RBM5: variants seen among roughly 807,000 people sequenced by gnomAD.
RBM5 encodes the protein RNA-binding protein 5.
RBM5 carries 15 observed loss-of-function variants against 124.6 expected under a neutral mutation model. That is an observed-to-expected ratio of 0.12 (90% CI 0.08 to 0.19). The LOEUF (loss-of-function observed/expected upper bound fraction) is 0.19. Among genes scored for constraint, RBM5 ranks in the 10% least tolerant of loss-of-function variants. The pLI is 1.00. For missense variants in RBM5, 580 were observed against 1,026.5 expected, an observed-to-expected ratio of 0.57 and a Z score of 5.94; for synonymous variants, 337 against 361.2, an observed-to-expected ratio of 0.93 and a Z score of 0.76.
rs548829626 is a variant in RBM5 at position 50,098,504 on chromosome 3, G to A, written c.340-1478G>A. On this transcript the variant is annotated intron_variant, in intron 4 of 24. Transcript: ENST00000347869. ...CTTGCCCAGGCTGGAGTGCAGTGGCGCGATCTCGGCTCACTGCAACCTCCG... is the reference window on the plus strand; with the variant it reads ...CTTGCCCAGGCTGGAGTGCAGTGGCACGATCTCGGCTCACTGCAACCTCCG... Among the ~76,000 whole-genome samples, 11 of 151,786 alleles carry A rather than the reference G, an allele frequency of 7.2e-5. No individual in the cohort carries two copies. In the South Asian group the frequency reaches 8.3e-4, roughly 11 times the overall value.
intron 12 of RBM5, 151 bp downstream of exon 12, chr3:50,107,720 C>G (rs1324501657): frequency 6.4e-6 from 3 of 470,986 alleles, no homozygotes; most frequent in East Asian, 7.4e-5. Flanking sequence ...GAGTATCACT[C>G]TCGTCACCCG....
Position 50,113,438 on chromosome 3 carries a change from C to T in RBM5, c.1511C>T (p.Thr504Ile), listed in dbSNP as rs2091184665. ...CTTTACTGGGATGGGGAAAAAGAGA[C>T]CTACGTGCCAGCTGCAGAGTCTAGC... ...QYLYWDGEKE[T>I]YVPAAESSSH... is the part of the protein sequence containing the mutation. The change falls in exon 18 of 25, where the codon ACC becomes ATC. Residue 504 changes from threonine (T) to isoleucine (I), a missense_variant. This residue lies in a region of RBM5 where 234 missense variants were observed against 435.1 expected (regional missense o/e 0.54). Coordinates refer to ENST00000347869, the MANE Select transcript of RBM5 (RefSeq NM_005778.4). 6.2e-7 allele frequency: 1 copy of T among 1,613,896 alleles called. No individual in the cohort carries two copies. The highest frequency in any genetic ancestry group is 1.3e-5 in the African/African-American group (1 of 74,902).
intron 14 of RBM5, among the ~76,000 whole-genome samples, chr3:50,108,597 C>T (rs982501724): frequency 6.6e-6 from 1 of 152,134 alleles, no homozygotes; most frequent in African/African-American, 2.4e-5. Flanking sequence ...ATCCCAGCTA[C>T]TCAGGAGGCT....
At chr3:50,106,310 T>C (rs1184678899) in intron 10 of RBM5, among the ~76,000 whole-genome samples, 1 of 151,742 alleles carries the variant, frequency 6.6e-6, no homozygotes, top group African/African-American at 2.4e-5. Flanking sequence ...TCAGCTAATT[T>C]TTTGTATTTT....
At position 50,093,573 on chromosome 3, in the gene RBM5, CAAAAA is replaced by C. The variant is rs879508881; in HGVS notation, c.184-139_184-135del. 22 of 680,388 alleles carry C rather than the reference CAAAAA, an allele frequency of 3.2e-5. No individual in the cohort carries two copies. The African/African-American group carries it at 3.6e-4, about 11-fold the overall frequency. The allele number at this position is 680,388 out of a possible 1,614,324, so 42.1% of individuals were successfully genotyped here. ...GGGTAACATAGTGAGACCCCTGTCT[CAAAAA>C]AAAAAAATTGCAGTGAACATTACCA... On this transcript the variant is annotated intron_variant, in intron 3 of 24. Coordinates refer to ENST00000347869, the MANE Select transcript of RBM5 (RefSeq NM_005778.4).
chr3:50,104,918 G>A, intron 8 of RBM5, 159 bp from the exon 9 acceptor site: 1 of 570,100 alleles, frequency 1.8e-6, no homozygotes, highest in Non-Finnish European at 3.1e-6. Flanking sequence ...CGTTAACCAA[G>A]TCACAATTAA....
intron 6 of RBM5, 186 bp from the exon 7 acceptor site, chr3:50,102,897 G>A (rs901662368): frequency 3.3e-5 from 19 of 580,030 alleles, no homozygotes; most frequent in Non-Finnish European, 4.3e-5. Context: ...CCTTTACTCC[G>A]CATCCCATTC....
rs2091270391 is a variant in RBM5, at chr3:50,117,246, G to T, written c.2193-4G>T. 6.2e-7 allele frequency: 1 copy of T among 1,614,070 alleles called. No individual in the cohort carries two copies. The stretch of plus-strand genomic sequence containing the variant: ...TTAAGTAACTGTGTGTTTGCCACTG[G>T]CAGGAATTACGAGCAACCCACCAAA... On this transcript the variant is annotated splice_polypyrimidine_tract_variant and splice_region_variant and intron_variant, in intron 23 of 24. Transcript: ENST00000347869. The surrounding 1 kb of genome is among the most constrained non-coding windows in gnomAD (Gnocchi z 4.2).
intron 11 of RBM5, among the ~76,000 whole-genome samples, 195 bp from the exon 12 acceptor site, chr3:50,107,287 C>T (rs2091050956): frequency 6.6e-6 from 1 of 152,160 alleles, no homozygotes; most frequent in Non-Finnish European, 1.5e-5. Flanking sequence ...TGGCAGGTTA[C>T]AAGGTAGAAC....
In RBM5 at chr3:50,100,133, A is replaced by AT. The variant is rs2090910720; in HGVS notation, c.409+82_409+83insT. The AT allele has an allele frequency of 1.1e-5, 14 of 1,234,890 alleles. No homozygotes were observed. The highest frequency in any genetic ancestry group is 2.0e-5 in the Admixed American group (1 of 49,328). 76.5% of individuals were successfully genotyped at this position (1,234,890 alleles called of 1,614,324 possible). A position where few individuals can be genotyped will look rare whatever the true frequency, so the allele number is the denominator to read the frequency against. On this transcript the variant is annotated intron_variant, in intron 5 of 24. Coordinates refer to ENST00000347869, the MANE Select transcript of RBM5 (RefSeq NM_005778.4). The surrounding 1 kb of genome is among the most constrained non-coding windows in gnomAD (Gnocchi z 5.1). ...CCCTAAAGAACATCCTGATTCCCCC[A>AT]GTCTTCAAGCACATGAATTCAGAAT...
At position 50,117,449 on chromosome 3, in the gene RBM5, C is replaced by T. The variant is rs1001423195; in HGVS notation, c.2322+70C>T. ...CGGTTCCAGAGATGAGATCAGAGCACTCATAGAGCCTGGGAGCCAGGAGCA... is the reference window on the plus strand; with the variant it reads ...CGGTTCCAGAGATGAGATCAGAGCATTCATAGAGCCTGGGAGCCAGGAGCA... On this transcript the variant is annotated intron_variant, in intron 24 of 24. Transcript: ENST00000347869. This position sits in a 1 kb window ranked among gnomAD's most constrained non-coding sequence, Gnocchi z 4.2. 2.5e-6 allele frequency: 4 copies of T among 1,586,062 alleles called. No homozygotes were observed. Among genetic ancestry groups the T allele is most frequent in the Non-Finnish European group, 3.4e-6 (4 of 1,163,392 alleles).
chr3:50,090,347 G>A, intron 1 of RBM5, 35 bp from the exon 2 acceptor site: 1 of 1,479,754 alleles, frequency 6.8e-7, no homozygotes, highest in African/African-American at 1.4e-5. Flanking sequence ...AGTGATCTCT[G>A]AGATTTATAG....
In RBM5 at chr3:50,117,475, G is replaced by A; in HGVS notation, c.2322+96G>A. 1 of 1,535,524 alleles carries A rather than the reference G, an allele frequency of 6.5e-7. No individual in the cohort carries two copies. Among genetic ancestry groups the A allele is most frequent in the Non-Finnish European group, 8.8e-7 (1 of 1,131,480 alleles). On this transcript the variant is annotated intron_variant, in intron 24 of 24. Coordinates refer to ENST00000347869, the MANE Select transcript of RBM5 (RefSeq NM_005778.4). The surrounding 1 kb of genome is among the most constrained non-coding windows in gnomAD (Gnocchi z 4.2). ...TCATAGAGCCTGGGAGCCAGGAGCA[G>A]CTTTACCTTAGCATGAAGGGGCAGA...
rs2091194469 is a variant in RBM5, at chr3:50,114,013, A to T, written c.1681A>T (p.Ser561Cys). The T allele has an allele frequency of 1.2e-6, 2 of 1,614,246 alleles. No homozygotes were observed. Among genetic ancestry groups the T allele is most frequent in the Non-Finnish European group, 1.7e-6 (2 of 1,180,032 alleles). Residue 561 changes from serine (S) to cysteine (C), a missense_variant, in exon 19 of 25, where the codon AGC becomes TGC. Transcript: ENST00000347869. ...TAAGCAGAAAGAAAACTTTAAAAAT[A>T]GCTTTCAGCCTGTCAATTCCTTGAG... is the stretch of plus-strand genomic sequence containing the variant. ...LNKQKENFKN[S>C]FQPVNSLREE...
At position 50,098,678 on chromosome 3, in the gene RBM5, G is replaced by A. The variant is rs575368784; in HGVS notation, c.340-1304G>A. On this transcript the variant is annotated intron_variant, in intron 4 of 24. Coordinates refer to ENST00000347869, the MANE Select transcript of RBM5 (RefSeq NM_005778.4). ...AGGATGGTCTCCATCTCTTGACCTC[G>A]TGATCCACCTGCCTTGGCCCCCCAA... Among the ~76,000 whole-genome samples, 38 of 151,978 alleles carry A rather than the reference G, an allele frequency of 2.5e-4. 1 individual carries two copies. The highest frequency in any genetic ancestry group is 2.2e-3 in the Admixed American group (33 of 15,248).
chr3:50,108,591 C>A (rs573880564), intron 14 of RBM5, among the ~76,000 whole-genome samples: 5 of 152,114 alleles, frequency 3.3e-5, no homozygotes, highest in Non-Finnish European at 7.3e-5. Flanking sequence ...CCTGTAATCC[C>A]AGCTACTCAG....
At chr3:50,110,560 C>A in intron 16 of RBM5, 97 bp downstream of exon 16, 1 of 1,435,026 alleles carries the variant, frequency 7.0e-7, no homozygotes, top group Admixed American at 1.8e-5. Context: ...GTCAGAGGGA[C>A]ACTTGGGGAT....
At position 50,092,218 on chromosome 3, in the gene RBM5, C is replaced by T; in HGVS notation, c.183+10C>T. ...CTATGACAGTCCAGAGGTGAGTGAC[C>T]AGCGGCTGTATAACCCCCCAAAACA... On this transcript the variant is annotated intron_variant, in intron 3 of 24. Coordinates refer to ENST00000347869, the MANE Select transcript of RBM5 (RefSeq NM_005778.4). The T allele has an allele frequency of 6.2e-7, 1 of 1,610,394 alleles. No individual in the cohort carries two copies. Among genetic ancestry groups the T allele is most frequent in the Non-Finnish European group, 8.5e-7 (1 of 1,178,708 alleles).
At chr3:50,098,335 A>G (rs547774243) in intron 4 of RBM5, among the ~76,000 whole-genome samples, 4 of 152,226 alleles carry the variant, frequency 2.6e-5, no homozygotes, top group Admixed American at 2.6e-4. Context: ...CAGTGGTGCA[A>G]TAGCCCATTG....
Sources: allele counts gnomAD v4.1 joint callset (sites outside exome capture counted in the v4.1 genomes callset), GRCh38; gene constraint gnomAD v4.1.1; regional missense constraint gnomAD v4.1.1; non-coding constraint Gnocchi (gnomAD v3.1); transcripts MANE v1.5; gene names NCBI Gene and HGNC (gene_info 2026-07-23, HGNC 2026-07-21).